CSPG4: variants seen among roughly 807,000 people sequenced by gnomAD.
CSPG4 encodes chondroitin sulfate proteoglycan 4.
In CSPG4, 74 loss-of-function variants were observed where a neutral mutation model predicts 139.3. The observed-to-expected ratio is 0.53, with a 90% CI of 0.44 to 0.64. The LOEUF (loss-of-function observed/expected upper bound fraction) is 0.64, where lower values mean the gene tolerates loss of function less well. CSPG4 is among the 30% of genes least tolerant of loss of function. CSPG4 has a pLI of 0.00. For missense variants in CSPG4, 2,565 were observed against 3,148.3 expected (o/e 0.81, Z 4.43); for synonymous variants, 1,234 against 1,394.2 (o/e 0.89, Z 2.56).
Position 75,690,607 on chromosome 15 carries a change from G to T in CSPG4, c.458C>A (p.Thr153Asn). The T allele has an allele frequency of 6.2e-7, 1 of 1,609,424 alleles. No homozygotes were observed. Among genetic ancestry groups the T allele is most frequent in the South Asian group, 1.1e-5 (1 of 90,908 alleles). ...PYGLFVGGTG[T>N]LGLPYLRGTS... ...TCCCCTCAGGTAGGGCAGGCCAAGG[G>T]TCCCAGTGCCCCCAACAAAGAGCCC... The change falls in exon 3 of 10, where the codon ACC (threonine) becomes AAC (asparagine). Residue 153 changes from threonine (T) to asparagine (N), a missense_variant. Physicochemically the swap from Thr to Asn is moderately conservative, Grantham distance 65. Around this residue, in one of 5 missense-constraint regions of CSPG4, gnomAD observed 132 missense variants for 132.3 expected, o/e 1.00. Coordinates refer to ENST00000308508, the MANE Select transcript of CSPG4 (RefSeq NM_001897.5).
intron 1 of CSPG4, among the ~76,000 whole-genome samples, chr15:75,707,546 G>A (rs1212709503): frequency 6.6e-6 from 1 of 152,224 alleles, no homozygotes; most frequent in Non-Finnish European, 1.5e-5. Context: ...GGAAGCTGGG[G>A]CAGGAGAGGC....
chr15:75,713,106 G>A (rs1185295269), upstream of CSPG4, among the ~76,000 whole-genome samples: 1 of 152,212 alleles, frequency 6.6e-6, no homozygotes, highest in East Asian at 1.9e-4. Flanking sequence ...CCCAAGAGCC[G>A]AGCCCGGGAG....
Position 75,689,148 on chromosome 15 carries a change from C to T in CSPG4, c.1917G>A (p.Thr639=), listed in dbSNP as rs555618856. The T allele has an allele frequency of 1.6e-5, 25 of 1,598,060 alleles. No homozygotes were observed. Among genetic ancestry groups the T allele is most frequent in the East Asian group, 2.2e-5 (1 of 44,688 alleles). ...VHRGGPAQDL[T]FRVSDGLQAS... is the part of the protein sequence containing the mutation. ...CCTGCAGTCCATCGCTGACCCGGAA[C>T]GTCAAGTCCTGTGCAGGACCACCGC... Residue 639 remains threonine (T), a synonymous_variant, in exon 3 of 10, where the codon ACG becomes ACA. Transcript: ENST00000308508.
Position 75,688,098 on chromosome 15 carries a change from G to T in CSPG4, c.2967C>A (p.Thr989=). The T allele has an allele frequency of 6.2e-7, 1 of 1,612,852 alleles. No individual in the cohort carries two copies. The highest frequency in any genetic ancestry group is 1.3e-5 in the African/African-American group (1 of 75,070). ...TGTCACCACTGCTCTCGCCCTGGCG[G>T]GTAGCAACAAATGGGATATCATCTT... ...TTEDDIPFVA[T]RQGESSGDMA... is the part of the protein sequence containing the mutation. The change falls in exon 3 of 10, where the codon ACC becomes ACA. Residue 989 remains threonine (T), a synonymous_variant. Transcript: ENST00000308508.
At position 75,682,731 on chromosome 15, in the gene CSPG4, A is replaced by C; in HGVS notation, c.4659T>G (p.Asp1553Glu). The part of the protein sequence containing the change: ...LVLFSHRGTL[D>E]GGFRFRLSDG... The stretch of plus-strand genomic sequence containing the variant: ...CAGAGAGGCGGAAGCGGAAGCCTCC[A>C]TCCAGGGTTCCTGGGGACAGGGGCA... The change falls in exon 7 of 10, where the codon GAT becomes GAG. Residue 1553 changes from aspartate (D) to glutamate (E), a missense_variant. By Grantham distance (45) the Asp-to-Glu change is conservative. Around this residue, in one of 5 missense-constraint regions of CSPG4, gnomAD observed 2,316 missense variants for 2,818.2 expected, o/e 0.82. Coordinates refer to ENST00000308508, the MANE Select transcript of CSPG4 (RefSeq NM_001897.5). 1.2e-6 allele frequency: 2 copies of C among 1,612,902 alleles called. No homozygotes were observed. Among genetic ancestry groups the C allele is most frequent in the Non-Finnish European group, 1.7e-6 (2 of 1,179,998 alleles).
chr15:75,712,572 TG>T, intron 1 of CSPG4, 95 bp downstream of exon 1: 3 of 1,227,042 alleles, frequency 2.4e-6, no homozygotes, highest in Non-Finnish European at 3.5e-6. Context: ...ACTCCCGATC[TG>T]GGGGCCACTT....
Position 75,677,390 on chromosome 15 carries a change from G to A in CSPG4, c.5135-6C>T. 2 of 1,399,360 alleles carry A rather than the reference G, an allele frequency of 1.4e-6. No individual in the cohort carries two copies. Among genetic ancestry groups the A allele is most frequent in the Non-Finnish European group, 1.9e-6 (2 of 1,073,746 alleles). 86.7% of individuals were successfully genotyped at this position (1,399,360 alleles called of 1,614,324 possible). A position where few individuals can be genotyped will look rare whatever the true frequency, so the allele number is the denominator to read the frequency against. On this transcript the variant is annotated splice_region_variant and splice_polypyrimidine_tract_variant and intron_variant, in intron 9 of 9. Transcript: ENST00000308508. The stretch of plus-strand genomic sequence containing the variant: ...GCCCTCGGGGACCCAGAGACCTGGG[G>A]GTGGGACATAGGCTATGAGGGTCCA...
At position 75,712,722 on chromosome 15, in the gene CSPG4, G is replaced by T. The variant is rs1244014458; in HGVS notation, c.34C>A (p.Pro12Thr). ...AGGGTCAAAGCCAAGGCCAGGCCGG[G>T]GGCTGGAAGTGGGGGCCGCGGCCCG... ...QSGPRPPLPA[P>T]GLALALTLTM... Residue 12 changes from proline (P) to threonine (T), a missense_variant, in exon 1 of 10, where the codon CCC becomes ACC. Physicochemically the swap from Pro to Thr is conservative, Grantham distance 38. Around this residue, in one of 5 missense-constraint regions of CSPG4, gnomAD observed 47 missense variants for 48.7 expected, o/e 0.97. Transcript: ENST00000308508. The T allele has an allele frequency of 1.3e-6, 2 of 1,561,844 alleles. No individual in the cohort carries two copies. Among genetic ancestry groups the T allele is most frequent in the East Asian group, 2.4e-5 (1 of 42,408 alleles).
chr15:75,682,165 T>C, intron 8 of CSPG4, 128 bp downstream of exon 8: 1 of 1,233,640 alleles, frequency 8.1e-7, no homozygotes, highest in Admixed American at 1.8e-5. Flanking sequence ...GCCTGGACAA[T>C]GGCAGGCCCG....
At chr15:75,705,983 GCC>G (rs1894365973) in intron 1 of CSPG4, among the ~76,000 whole-genome samples, 1 of 152,140 alleles carries the variant, frequency 6.6e-6, no homozygotes, top group South Asian at 2.1e-4. Flanking sequence ...GTCTGTGTGT[GCC>G]TGTGTGCGTA....
rs1399361601 is a variant in CSPG4 at position 75,690,709 on chromosome 15, C to A, written c.356G>T (p.Gly119Val). Residue 119 changes from glycine (G) to valine (V), a missense_variant, in exon 3 of 10, where the codon GGC (glycine) becomes GTC (valine). This residue lies in a region of CSPG4 where 132 missense variants were observed against 132.3 expected (regional missense o/e 1.00). Transcript: ENST00000308508. Reference protein sequence around the residue: ...PHTVVLTVVEGWATLSVDGFL... With the variant: ...PHTVVLTVVEVWATLSVDGFL... ...CCCATCGACTGACAACGTGGCCCAG[C>A]CCTCTACGACAGTCAGCACCACAGT... 1.9e-6 allele frequency: 3 copies of A among 1,613,132 alleles called. No homozygotes were observed. Among genetic ancestry groups the A allele is most frequent in the Non-Finnish European group, 2.5e-6 (3 of 1,180,030 alleles).
chr15:75,707,663 T>C (rs1416661887), intron 1 of CSPG4, among the ~76,000 whole-genome samples: 1 of 152,226 alleles, frequency 6.6e-6, no homozygotes, highest in African/African-American at 2.4e-5. Context: ...TTAGTACCAA[T>C]CTTCATGGAA....
Position 75,676,424 on chromosome 15 carries a change from C to A in CSPG4, c.6095G>T (p.Gly2032Val). The change falls in exon 10 of 10, where the codon GGT (glycine) becomes GTT (valine). Residue 2032 changes from glycine to valine, a missense_variant. Gly to Val is a moderately radical substitution (Grantham distance 109). This residue lies in a region of CSPG4 where 2,316 missense variants were observed against 2,818.2 expected (regional missense o/e 0.82). Transcript: ENST00000308508. ...DHFRVLALAR[G>V]VNASAVVNVT... ...GTTCACTACGGCTGATGCATTGACA[C>A]CCCTAGCCAGTGCCAGGACTCTGAA... is the stretch of plus-strand genomic sequence containing the variant. The A allele has an allele frequency of 1.2e-6, 2 of 1,613,902 alleles. No individual in the cohort carries two copies. Among genetic ancestry groups the A allele is most frequent in the Non-Finnish European group, 8.5e-7 (1 of 1,180,038 alleles).
At chr15:75,685,174 C>A in intron 4 of CSPG4, 45 bp downstream of exon 4, 1 of 1,508,942 alleles carries the variant, frequency 6.6e-7, no homozygotes, top group South Asian at 1.3e-5. Context: ...TCCACTCTGC[C>A]CCCAGAGCTG....
intron 2 of CSPG4, among the ~76,000 whole-genome samples, 184 bp from the exon 3 acceptor site, chr15:75,690,996 G>A (rs1894158982): frequency 6.6e-6 from 1 of 152,168 alleles, no homozygotes; most frequent in African/African-American, 2.4e-5. Flanking sequence ...CCAACATGGA[G>A]AAACCCTGTC....
In CSPG4 at chr15:75,690,717, G is replaced by A. The variant is rs757919297; in HGVS notation, c.348C>T (p.Val116=). ...DSIPHTVVLT[V]VEGWATLSVD... is the part of the protein sequence containing the mutation. ...CTGACAACGTGGCCCAGCCCTCTACGACAGTCAGCACCACAGTGTGGGGGA... is the reference window on the plus strand; with the variant it reads ...CTGACAACGTGGCCCAGCCCTCTACAACAGTCAGCACCACAGTGTGGGGGA... The change falls in exon 3 of 10, where the codon GTC becomes GTT. Residue 116 remains valine (V), a synonymous_variant. Coordinates refer to ENST00000308508, the MANE Select transcript of CSPG4 (RefSeq NM_001897.5). 1.1e-5 allele frequency: 17 copies of A among 1,613,182 alleles called. No homozygotes were observed. The highest frequency in any genetic ancestry group is 2.2e-5 in the East Asian group (1 of 44,888).
At chr15:75,679,346 C>G (rs1893940125) in intron 8 of CSPG4, 1 of 152,622 alleles carries the variant, frequency 6.6e-6, no homozygotes, top group Non-Finnish European at 1.5e-5. Context: ...CATCTCTCAC[C>G]TGGATTATCG....
intron 1 of CSPG4, among the ~76,000 whole-genome samples, chr15:75,699,433 C>T (rs181422215): frequency 1.8e-3 from 274 of 152,370 alleles, no homozygotes; most frequent in African/African-American, 6.5e-3. Context: ...CTGGCCTCAG[C>T]TACCATCCTC....
intron 1 of CSPG4, among the ~76,000 whole-genome samples, chr15:75,706,429 A>ATG (rs550570670): frequency 1.3e-5 from 2 of 151,432 alleles, no homozygotes; most frequent in African/African-American, 2.4e-5. Flanking sequence ...GTGAATGTGT[A>ATG]TGTGTGTGTG....
Sources: allele counts gnomAD v4.1 joint callset (sites outside exome capture counted in the v4.1 genomes callset), GRCh38; gene constraint gnomAD v4.1.1; regional missense constraint gnomAD v4.1.1; transcripts MANE v1.5; gene names NCBI Gene and HGNC (gene_info 2026-07-23, HGNC 2026-07-21).